Variants in WWOX observed in about 807,000 individuals in gnomAD.
WWOX encodes WW domain containing oxidoreductase.
A neutral mutation model predicts 46.2 loss-of-function variants in WWOX; 69 were observed. That is an observed-to-expected ratio of 1.49 (90% confidence interval 1.23 to 1.82). WWOX has a LOEUF of 1.82. WWOX is among the 40% of genes most tolerant of loss of function. The pLI, the probability that WWOX is intolerant of heterozygous loss-of-function variation, is 0.00. For missense variants in WWOX, 919 were observed against 542.6 expected, an observed-to-expected ratio of 1.69 and a Z score of -6.89; for synonymous variants, 359 against 202.6, an observed-to-expected ratio of 1.77 and a Z score of -6.56.
chr16:78,593,376 T>C (rs906539506), intron 8 of WWOX, among the ~76,000 whole-genome samples: 1 of 152,152 alleles, frequency 6.6e-6, no homozygotes, highest in Admixed American at 6.5e-5. Flanking sequence ...ACTGACAGTT[T>C]TGTCTGCCCA....
intron 8 of WWOX, among the ~76,000 whole-genome samples, chr16:79,170,224 C>T (rs12445325): frequency 6.6e-6 from 1 of 152,158 alleles, no homozygotes; most frequent in Non-Finnish European, 1.5e-5. Context: ...CACATTTCTC[C>T]TTACAAACAT....
At chr16:78,827,846 A>C (rs1012635403) in intron 8 of WWOX, among the ~76,000 whole-genome samples, 1 of 152,094 alleles carries the variant, frequency 6.6e-6, no homozygotes, top group Non-Finnish European at 1.5e-5. Flanking sequence ...TTTCAGAGAA[A>C]AACAACAACA....
rs554938651 is a variant in WWOX at position 78,295,758 on chromosome 16, C to G, written c.517-91102C>G. 2.6e-5 allele frequency among the ~76,000 whole-genome samples: 4 copies of G among 151,734 alleles called. No individual in the cohort carries two copies. In the East Asian group the frequency reaches 5.9e-4, roughly 22 times the overall value. On this transcript the variant is annotated intron_variant, in intron 5 of 8. Transcript: ENST00000566780. ...CAAACAAACAAACAAAAACTTGTCTCCAAATGAGCAGACACCAGAATCTCA... is the reference window on the plus strand; with the variant it reads ...CAAACAAACAAACAAAAACTTGTCTGCAAATGAGCAGACACCAGAATCTCA...
chr16:78,357,716 C>T (rs1398442501), intron 5 of WWOX, among the ~76,000 whole-genome samples: 11 of 152,118 alleles, frequency 7.2e-5, no homozygotes, highest in Admixed American at 5.9e-4. Flanking sequence ...TTCCACATGC[C>T]AGGCACAGTG....
intron 8 of WWOX, among the ~76,000 whole-genome samples, chr16:78,522,792 C>T (rs1046645994): frequency 1.3e-5 from 2 of 152,210 alleles, no homozygotes; most frequent in Admixed American, 1.3e-4. Context: ...TAACAGTGGG[C>T]CAGGCGCAGT....
chr16:78,839,912 C>G (rs938881825), intron 8 of WWOX, among the ~76,000 whole-genome samples: 8 of 152,180 alleles, frequency 5.3e-5, no homozygotes, highest in Non-Finnish European at 1.2e-4. Flanking sequence ...GGTAAGCGCA[C>G]AAATCCTGCA....
intron 8 of WWOX, among the ~76,000 whole-genome samples, chr16:78,506,869 C>T (rs1414702727): frequency 1.3e-5 from 2 of 152,136 alleles, no homozygotes; most frequent in East Asian, 1.9e-4. Flanking sequence ...CCTACCACCA[C>T]GCCTGGCTAA....
chr16:78,871,556 T>C (rs1371561208), intron 8 of WWOX, among the ~76,000 whole-genome samples: 1 of 152,198 alleles, frequency 6.6e-6, no homozygotes. Flanking sequence ...TCTGGAGCTG[T>C]GGTGACAATC....
At chr16:78,298,998 C>T (rs187098163) in intron 5 of WWOX, among the ~76,000 whole-genome samples, 36 of 152,204 alleles carry the variant, frequency 2.4e-4, no homozygotes, top group African/African-American at 6.0e-4. Flanking sequence ...AGAAAGTTTA[C>T]GCCAAAAAGG....
At chr16:78,171,656 G>A (rs893065103) in intron 5 of WWOX, among the ~76,000 whole-genome samples, 1 of 152,138 alleles carries the variant, frequency 6.6e-6, no homozygotes, top group Non-Finnish European at 1.5e-5. Context: ...ATTAATAGTT[G>A]TAGATTACCG....
chr16:78,708,240 G>A (rs1202731574), intron 8 of WWOX, among the ~76,000 whole-genome samples: 1 of 152,090 alleles, frequency 6.6e-6, no homozygotes, highest in African/African-American at 2.4e-5. Context: ...GTGAATTTCA[G>A]GTAAATAACA....
intron 8 of WWOX, chr16:78,525,407 G>T (rs972717738): frequency 6.6e-6 from 1 of 151,472 alleles, no homozygotes; most frequent in African/African-American, 2.4e-5. Flanking sequence ...GGATGGTCTC[G>T]ATCTCCTGAC....
At chr16:79,189,336 C>T (rs1428520708) in intron 8 of WWOX, among the ~76,000 whole-genome samples, 1 of 151,738 alleles carries the variant, frequency 6.6e-6, no homozygotes, top group African/African-American at 2.4e-5. Context: ...TGGCTCACTG[C>T]AGCCTCGACT....
At chr16:79,164,520 G>A (rs1443827468) in intron 8 of WWOX, among the ~76,000 whole-genome samples, 3 of 152,110 alleles carry the variant, frequency 2.0e-5, no homozygotes, top group Admixed American at 6.5e-5. Flanking sequence ...AGGCATCAGC[G>A]CTGTTATCAG....
At position 78,164,198 on chromosome 16, in the gene WWOX, A is replaced by C. The variant is rs752456200; in HGVS notation, c.425A>C (p.Lys142Thr). The change falls in exon 5 of 9, where the codon AAG becomes ACG. Residue 142 changes from lysine (K) to threonine (T), a missense_variant. Physicochemically the swap from Lys to Thr is moderately conservative, Grantham distance 78. Coordinates refer to ENST00000566780, the MANE Select transcript of WWOX (RefSeq NM_016373.4). ...ANSGIGFETA[K>T]SFALHGAHVI... ...TAAACCATAGGGTTCGAAACCGCCA[A>C]GTCTTTTGCCCTCCATGGTGCACAT... 1.2e-6 allele frequency: 2 copies of C among 1,614,090 alleles called. No individual in the cohort carries two copies. The highest frequency in any genetic ancestry group is 2.2e-5 in the South Asian group (2 of 91,040).
chr16:78,609,991 A>G (rs1202489644), intron 8 of WWOX, among the ~76,000 whole-genome samples: 1 of 131,466 alleles, frequency 7.6e-6, no homozygotes, highest in African/African-American at 2.9e-5. Context: ...AGTAACAGTG[A>G]CGCAAACGAC....
At chr16:78,705,759 C>G (rs2048315792) in intron 8 of WWOX, among the ~76,000 whole-genome samples, 1 of 152,154 alleles carries the variant, frequency 6.6e-6, no homozygotes, top group African/African-American at 2.4e-5. Context: ...ACCATCAGAG[C>G]ACATACTGCT....
intron 6 of WWOX, among the ~76,000 whole-genome samples, chr16:78,394,713 A>G (rs566719813): frequency 6.6e-6 from 1 of 152,338 alleles, no homozygotes; most frequent in South Asian, 2.1e-4. Context: ...GTAGCCTGAA[A>G]GCAGCCATAG....
chr16:78,558,114 C>G (rs1211854917), intron 8 of WWOX, among the ~76,000 whole-genome samples: 1 of 152,024 alleles, frequency 6.6e-6, no homozygotes, highest in African/African-American at 2.4e-5. Flanking sequence ...TCATTCTTGG[C>G]TTTCAGAGAG....
Sources: gnomAD v4.1 joint callset for allele counts (sites outside exome capture counted in the v4.1 genomes callset) on GRCh38, gnomAD v4.1.1 for gene constraint, MANE v1.5 for transcripts, NCBI Gene and HGNC (gene_info 2026-07-23, HGNC 2026-07-21) for gene names.